Variants in GAB1 observed in about 807,000 individuals in gnomAD.
The protein encoded by GAB1 is GRB2-associated-binding protein 1.
In GAB1, 19 loss-of-function variants were observed where a neutral mutation model predicts 66.5. The observed-to-expected ratio is 0.29, with a 90% CI of 0.20 to 0.42. The LOEUF is 0.42. GAB1 is among the 10% of genes least tolerant of loss of function. The pLI is 1.00. For synonymous variants in GAB1, 294 were observed against 301.4 expected, an observed-to-expected ratio of 0.98 and a Z score of 0.25; for missense variants, 732 against 858.5, an observed-to-expected ratio of 0.85 and a Z score of 1.84.
At chr4:143,424,736 C>T (rs1008483217) in intron 2 of GAB1, 1 of 189,926 alleles carries the variant, frequency 5.3e-6, no homozygotes, top group African/African-American at 2.4e-5. Flanking sequence ...GCAGATGGAT[C>T]ACTAAGTCAG....
At chr4:143,378,226 T>C (rs1730496663) in intron 1 of GAB1, among the ~76,000 whole-genome samples, 1 of 152,248 alleles carries the variant, frequency 6.6e-6, no homozygotes, top group Non-Finnish European at 1.5e-5. Flanking sequence ...TTAAAGAGAC[T>C]TGGTGGTGTG....
rs989708625 is a variant in GAB1 at position 143,472,187 on chromosome 4, T to C, written c.*2998T>C. 2 of 152,188 alleles carry C rather than the reference T, an allele frequency of 1.3e-5. No homozygotes were observed. The highest frequency in any genetic ancestry group is 4.8e-5 in the African/African-American group (2 of 41,466). 9.4% of individuals were successfully genotyped at this position (152,188 alleles called of 1,614,324 possible). ...AGATTTTTTAAATCTACACTTCAGT[T>C]TATACATCTTTATCATTATCAATAC... On this transcript the variant is annotated 3_prime_UTR_variant, in exon 10 of 10. Transcript: ENST00000262994.
chr4:143,385,547 C>T (rs552555794), intron 1 of GAB1, among the ~76,000 whole-genome samples: 5 of 152,326 alleles, frequency 3.3e-5, no homozygotes, highest in South Asian at 4.1e-4. Flanking sequence ...TCCTTCCTCT[C>T]GTTTCTCTGC....
chr4:143,409,383 CTT>C (rs199917344), intron 1 of GAB1, among the ~76,000 whole-genome samples: 24 of 143,112 alleles, frequency 1.7e-4, no homozygotes, highest in African/African-American at 2.7e-4. Flanking sequence ...CAACTTTGAA[CTT>C]TCCCCCCCCC....
intron 1 of GAB1, among the ~76,000 whole-genome samples, chr4:143,373,868 A>AATAAATAAATAAATAAATAAATAAAT: frequency 4.3e-5 from 4 of 93,698 alleles, no homozygotes; most frequent in African/African-American, 1.4e-4. Flanking sequence ...TAAATAAATA[A>AATAAATAAATAAATAAATAAATAAAT]ATATATATAT....
rs1736159992 is a variant in GAB1, at chr4:143,473,279, C to T, written c.*4090C>T. On this transcript the variant is annotated 3_prime_UTR_variant, in exon 10 of 10. Transcript: ENST00000262994. ...TCCCATTGTAGATCTTTTCTGCTAC[C>T]AAATAAAACTTTTCAAACAATTTGG... The T allele has an allele frequency of 6.6e-6, 1 of 152,076 alleles. No homozygotes were observed. The highest frequency in any genetic ancestry group is 1.5e-5 in the Non-Finnish European group (1 of 67,990). The allele number at this position is 152,076 out of a possible 1,614,324, so 9.4% of individuals were successfully genotyped here. A position where few individuals can be genotyped will look rare whatever the true frequency, so the allele number is the denominator to read the frequency against.
chr4:143,430,829 T>G (rs982298071), intron 2 of GAB1, among the ~76,000 whole-genome samples: 2 of 152,252 alleles, frequency 1.3e-5, no homozygotes, highest in Non-Finnish European at 2.9e-5. Context: ...GAATTTCTTT[T>G]GCAAGATTAA....
chr4:143,440,788 G>T (rs1030303129), intron 6 of GAB1, among the ~76,000 whole-genome samples: 34 of 152,194 alleles, frequency 2.2e-4, no homozygotes, highest in African/African-American at 8.2e-4. Context: ...AAAAGCCAGA[G>T]ATTTCAGATT....
chr4:143,411,172 G>T (rs1238527755), intron 1 of GAB1, among the ~76,000 whole-genome samples: 1 of 152,086 alleles, frequency 6.6e-6, no homozygotes, highest in East Asian at 1.9e-4. Flanking sequence ...TGATTGGAGG[G>T]TCCTGTGTAC....
chr4:143,345,259 A>C (rs1337590827), intron 1 of GAB1, among the ~76,000 whole-genome samples: 1 of 152,126 alleles, frequency 6.6e-6, no homozygotes, highest in African/African-American at 2.4e-5. Flanking sequence ...AAGAATGCCA[A>C]ATTTACCAAG....
chr4:143,346,945 T>G (rs1389650258), intron 1 of GAB1, among the ~76,000 whole-genome samples: 1 of 152,236 alleles, frequency 6.6e-6, no homozygotes, highest in Non-Finnish European at 1.5e-5. Flanking sequence ...TTTTTCTTTC[T>G]ATTCCTTTAA....
At chr4:143,407,598 G>A (rs1052728293) in intron 1 of GAB1, among the ~76,000 whole-genome samples, 6 of 152,130 alleles carry the variant, frequency 3.9e-5, no homozygotes, top group Non-Finnish European at 8.8e-5. Context: ...CTAAGCTAAA[G>A]TTAGCTCGGA....
rs1037154635 is a variant in GAB1 at position 143,474,502 on chromosome 4, A to G, written c.*5313A>G. On this transcript the variant is annotated 3_prime_UTR_variant, in exon 10 of 10. Transcript: ENST00000262994. ...CACTAGCCTAGATGTTGCTGTGAAT[A>G]TATTTTGTAGATGTGATTAACATTT... 1.3e-5 allele frequency: 2 copies of G among 152,228 alleles called. No individual in the cohort carries two copies. The highest frequency in any genetic ancestry group is 2.4e-5 in the African/African-American group (1 of 41,462). The allele number at this position is 152,228 out of a possible 1,614,324, so 9.4% of individuals were successfully genotyped here. A position where few individuals can be genotyped will look rare whatever the true frequency, so the allele number is the denominator to read the frequency against.
chr4:143,417,226 G>T (rs924294068), intron 2 of GAB1, among the ~76,000 whole-genome samples: 1 of 152,112 alleles, frequency 6.6e-6, no homozygotes, highest in Non-Finnish European at 1.5e-5. Context: ...CCCAGAGAAG[G>T]AATCGAATTT....
intron 1 of GAB1, among the ~76,000 whole-genome samples, chr4:143,414,648 C>G (rs1732583428): frequency 6.6e-6 from 1 of 152,064 alleles, no homozygotes; most frequent in Non-Finnish European, 1.5e-5. Flanking sequence ...AACCTTTCCC[C>G]CTCCCTACTC....
At chr4:143,411,204 T>C (rs1248135508) in intron 1 of GAB1, among the ~76,000 whole-genome samples, 1 of 152,128 alleles carries the variant, frequency 6.6e-6, no homozygotes, top group Non-Finnish European at 1.5e-5. Flanking sequence ...TTGGGTTTTA[T>C]CCTGTAGGCA....
chr4:143,423,455 T>C (rs1176360232), intron 2 of GAB1, among the ~76,000 whole-genome samples: 2 of 152,088 alleles, frequency 1.3e-5, no homozygotes, highest in South Asian at 2.1e-4. Context: ...CCCAGCACTT[T>C]GGGAGGCTGA....
At chr4:143,371,014 C>T (rs920389027) in intron 1 of GAB1, among the ~76,000 whole-genome samples, 18 of 152,070 alleles carry the variant, frequency 1.2e-4, no homozygotes, top group African/African-American at 3.9e-4. Flanking sequence ...AACATATGTC[C>T]GCATGTGTCT....
At position 143,473,030 on chromosome 4, in the gene GAB1, T is replaced by C. The variant is rs1408797342; in HGVS notation, c.*3841T>C. 1 of 152,206 alleles carries C rather than the reference T, an allele frequency of 6.6e-6. No homozygotes were observed. Among genetic ancestry groups the C allele is most frequent in the Non-Finnish European group, 1.5e-5 (1 of 68,036 alleles). The allele number at this position is 152,206 out of a possible 1,614,324, so 9.4% of individuals were successfully genotyped here. On this transcript the variant is annotated 3_prime_UTR_variant, in exon 10 of 10. Transcript: ENST00000262994. ...ATTACTACAGTTAAAAATAGTTTCA[T>C]TTGTCTTCTATAGACTTAATTTTAT...
Sources: gnomAD v4.1 joint callset for allele counts (sites outside exome capture counted in the v4.1 genomes callset) on GRCh38, gnomAD v4.1.1 for gene constraint, MANE v1.5 for transcripts, NCBI Gene and HGNC (gene_info 2026-07-23, HGNC 2026-07-21) for gene names.